Variants in GCC2 observed in about 807,000 individuals in gnomAD.
GCC2 encodes GRIP and coiled-coil domain-containing protein 2.
A neutral mutation model predicts 210.6 loss-of-function variants in GCC2; 120 were observed. The ratio of observed to expected loss-of-function variants is 0.57; its 90% CI spans 0.49 to 0.66. GCC2 has a LOEUF of 0.66. Among genes scored for constraint, GCC2 ranks in the 30% least tolerant of loss-of-function variants. The pLI is 0.00. For synonymous variants in GCC2, 703 were observed against 652.7 expected (o/e 1.08, Z -1.17); for missense variants, 1,868 against 1,871.9 (o/e 1.00, Z 0.04).
At chr2:108,488,605 CTTTTCTTAT>C (rs1411604716) in intron 17 of GCC2, among the ~76,000 whole-genome samples, 9 of 152,156 alleles carry the variant, frequency 5.9e-5, no homozygotes, top group African/African-American at 2.2e-4. Flanking sequence ...TAGAATTAAA[CTTTTCTTAT>C]TTATGACCAT....
intron 22 of GCC2, among the ~76,000 whole-genome samples, chr2:108,501,094 C>T (rs1194662296): frequency 6.6e-6 from 1 of 151,936 alleles, no homozygotes; most frequent in African/African-American, 2.4e-5. Context: ...CTCCCAGATT[C>T]AAGCGATTCT....
chr2:108,490,444 A>T (rs1356589433), intron 18 of GCC2, among the ~76,000 whole-genome samples: 1 of 152,244 alleles, frequency 6.6e-6, no homozygotes, highest in East Asian at 1.9e-4. Flanking sequence ...GTAATACTTT[A>T]AATAGACATT....
rs370909395 is a variant in GCC2, at chr2:108,507,675, C to T, written c.*45C>T. The T allele has an allele frequency of 7.4e-6, 10 of 1,342,604 alleles. No individual in the cohort carries two copies. Among genetic ancestry groups the T allele is most frequent in the Non-Finnish European group, 1.0e-5 (10 of 952,544 alleles). The allele number at this position is 1,342,604 out of a possible 1,614,324, so 83.2% of individuals were successfully genotyped here. ...TTATTAACCAAATAGAATCTATTTA[C>T]AAAAATGGTTCACGTATATTACCAC... On this transcript the variant is annotated 3_prime_UTR_variant, in exon 23 of 23. Coordinates refer to ENST00000309863, the MANE Select transcript of GCC2 (RefSeq NM_181453.4).
At chr2:108,466,882 T>G (rs1680921752) in intron 4 of GCC2, among the ~76,000 whole-genome samples, 1 of 152,242 alleles carries the variant, frequency 6.6e-6, no homozygotes, top group Admixed American at 6.5e-5. Context: ...TATCAATAAC[T>G]TTTTCAACCT....
At chr2:108,507,111 A>G (rs982959138) in intron 22 of GCC2, among the ~76,000 whole-genome samples, 1 of 152,194 alleles carries the variant, frequency 6.6e-6, no homozygotes, top group African/African-American at 2.4e-5. Context: ...AGAATGACAT[A>G]TGGATGGGTA....
rs1341495036 is a variant in GCC2 at position 108,470,637 on chromosome 2, AATATC to A, written c.1310_1314del (p.Ile437ArgfsTer4). ...GTCTTAAGGAACAACATCAAAAAGA[AATATC>A]AGAACTAAATGAGACATTTTTGTCA... On this transcript the variant is annotated frameshift_variant, in exon 6 of 23. Transcript: ENST00000309863. LOFTEE classifies it high-confidence loss of function. 4.3e-6 allele frequency: 7 copies of A among 1,612,398 alleles called. No homozygotes were observed. Among genetic ancestry groups the A allele is most frequent in the East Asian group, 2.2e-5 (1 of 44,858 alleles).
intron 2 of GCC2, among the ~76,000 whole-genome samples, chr2:108,450,201 T>C (rs936936666): frequency 8.5e-5 from 13 of 152,314 alleles, no homozygotes; most frequent in Non-Finnish European, 1.8e-4. Context: ...ATGATAACCA[T>C]GAGATAGGTA....
Position 108,485,872 on chromosome 2 carries a change from G to A in GCC2, c.3756G>A (p.Glu1252=), listed in dbSNP as rs1682115402. ...TACTTCAAGCATCTTTAAAAGGTGA[G>A]CTGGAGGCAAGCCAGCAGCAAGTAG... ...HLILQASLKG[E]LEASQQQVEV... The change falls in exon 15 of 23, where the codon GAG becomes GAA. Residue 1252 remains glutamate (E), a synonymous_variant. Transcript: ENST00000309863. The A allele has an allele frequency of 3.1e-6, 5 of 1,591,340 alleles. No individual in the cohort carries two copies. The African/African-American group carries it at 6.8e-5, about 22-fold the overall frequency.
chr2:108,466,925 ATAT>A (rs143456083), intron 4 of GCC2, among the ~76,000 whole-genome samples: 22 of 152,270 alleles, frequency 1.4e-4, no homozygotes, highest in Non-Finnish European at 3.2e-4. Context: ...CATTAACCTA[ATAT>A]TATGGTTAAA....
In GCC2 at chr2:108,470,035, A is replaced by G; in HGVS notation, c.706A>G (p.Ser236Gly). 6.2e-7 allele frequency: 1 copy of G among 1,613,058 alleles called. No homozygotes were observed. Among genetic ancestry groups the G allele is most frequent in the Non-Finnish European group, 8.5e-7 (1 of 1,179,630 alleles). Reference protein sequence around the residue: ...NSQHYQKNINSLQEELLQLKA... With the variant: ...NSQHYQKNINGLQEELLQLKA... Reference sequence around the variant, plus strand: ...TCAGCATTACCAAAAAAATATTAATAGTTTGCAGGAAGAGCTTTTACAGTT... The same window carrying G: ...TCAGCATTACCAAAAAAATATTAATGGTTTGCAGGAAGAGCTTTTACAGTT... Residue 236 changes from serine (S) to glycine (G), a missense_variant, in exon 6 of 23, where the codon AGT becomes GGT. Transcript: ENST00000309863.
chr2:108,485,272 GTAAC>G (rs1474181833), intron 13 of GCC2, among the ~76,000 whole-genome samples: 3 of 149,922 alleles, frequency 2.0e-5, no homozygotes, highest in African/African-American at 2.5e-5. Flanking sequence ...GTATACATAT[GTAAC>G]TAACCTGCAC....
Position 108,509,026 on chromosome 2 carries a change from A to G in GCC2, c.*1396A>G, listed in dbSNP as rs1326074701. ...TTGTTCTTTAAAAAATAGCTCATAT[A>G]TCTCATCTTTCCTCCTGTCTTAGAA... is the stretch of plus-strand genomic sequence containing the variant. On this transcript the variant is annotated 3_prime_UTR_variant, in exon 23 of 23. Coordinates refer to ENST00000309863, the MANE Select transcript of GCC2 (RefSeq NM_181453.4). 6.6e-6 allele frequency: 1 copy of G among 152,638 alleles called. No homozygotes were observed. Among genetic ancestry groups the G allele is most frequent in the African/African-American group, 2.4e-5 (1 of 41,452 alleles). 9.5% of individuals were successfully genotyped at this position (152,638 alleles called of 1,614,324 possible). A position where few individuals can be genotyped will look rare whatever the true frequency, so the allele number is the denominator to read the frequency against.
Position 108,472,051 on chromosome 2 carries a change from A to G in GCC2, c.2722A>G (p.Asn908Asp). Residue 908 changes from asparagine to aspartate, a missense_variant, in exon 6 of 23, where the codon AAC becomes GAC. By Grantham distance (23) the Asn-to-Asp change is conservative. This residue lies in a region of GCC2 where 1,847 missense variants were observed against 1,765.2 expected (regional missense o/e 1.05). Coordinates refer to ENST00000309863, the MANE Select transcript of GCC2 (RefSeq NM_181453.4). ...KEKCFIKEHE[N>D]LKPLLEQKEL... ...AAAATGTTTTATAAAGGAACATGAA[A>G]ACCTAAAGCCACTACTAGAACAAAA... 6.3e-7 allele frequency: 1 copy of G among 1,590,176 alleles called. No individual in the cohort carries two copies.
chr2:108,485,506 G>A, intron 13 of GCC2, 130 bp from the exon 14 acceptor site: 1 of 563,528 alleles, frequency 1.8e-6, no homozygotes, highest in East Asian at 2.9e-5. Flanking sequence ...ACATATGTTT[G>A]AAGTATTCCA....
chr2:108,450,879 C>CT (rs1313271397), intron 2 of GCC2, 149 bp from the exon 3 acceptor site: 1,103 of 586,228 alleles, frequency 1.9e-3, no homozygotes, highest in East Asian at 8.5e-3. Flanking sequence ...GAGACTCTGT[C>CT]TCAAAAAAAA....
Position 108,471,469 on chromosome 2 carries a change from CAA to C in GCC2, c.2144_2145del (p.Lys715ArgfsTer6). On this transcript the variant is annotated frameshift_variant, in exon 6 of 23. Transcript: ENST00000309863. LOFTEE classifies it high-confidence loss of function. ...LSRDLEVFLS[Q>X]KEDVILKEHI... is the part of the protein sequence containing the mutation. Reference sequence around the variant, plus strand: ...TAGGGATTTGGAGGTTTTTTTGTCTCAAAAAGAAGATGTTATCCTTAAAGAAC... The same window carrying C: ...TAGGGATTTGGAGGTTTTTTTGTCTCAAAGAAGATGTTATCCTTAAAGAAC... The C allele has an allele frequency of 6.2e-7, 1 of 1,608,530 alleles. No homozygotes were observed. The highest frequency in any genetic ancestry group is 1.7e-5 in the Admixed American group (1 of 59,070).
intron 21 of GCC2, among the ~76,000 whole-genome samples, chr2:108,497,318 A>C (rs1344145488): frequency 6.6e-6 from 1 of 152,112 alleles, no homozygotes; most frequent in African/African-American, 2.4e-5. Context: ...AGGGTTTACC[A>C]TGTTAGCCAG....
chr2:108,503,539 G>A (rs1484319396), intron 22 of GCC2, among the ~76,000 whole-genome samples: 2 of 152,070 alleles, frequency 1.3e-5, no homozygotes, highest in African/African-American at 2.4e-5. Context: ...CACACTAGGG[G>A]CATTTTGTTA....
chr2:108,457,781 C>T (rs560296181), intron 4 of GCC2, among the ~76,000 whole-genome samples: 103 of 152,278 alleles, frequency 6.8e-4, no homozygotes, highest in African/African-American at 2.4e-3. Flanking sequence ...AGAAATGCTA[C>T]TGGTTTTTGT....
Sources: allele counts gnomAD v4.1 joint callset (sites outside exome capture counted in the v4.1 genomes callset), GRCh38; gene constraint gnomAD v4.1.1; regional missense constraint gnomAD v4.1.1; transcripts MANE v1.5; gene names NCBI Gene and HGNC (gene_info 2026-07-23, HGNC 2026-07-21).